The following UNC13C variants were observed in gnomAD, a reference collection of about 807,000 sequenced individuals.
UNC13C encodes protein unc-13 homolog C.
In UNC13C, 174 loss-of-function variants were observed where a neutral mutation model predicts 245.4. The observed-to-expected ratio is 0.71, with a 90% CI of 0.63 to 0.80. UNC13C has a LOEUF of 0.80. Among genes scored for constraint, UNC13C ranks in the 30% least tolerant of loss-of-function variants. UNC13C has a pLI of 0.00. For missense variants in UNC13C, 2,829 were observed against 2,602.9 expected, an observed-to-expected ratio of 1.09 and a Z score of -1.89; for synonymous variants, 992 against 895.1, an observed-to-expected ratio of 1.11 and a Z score of -1.93.
At chr15:54,087,568 C>T (rs998639399) in intron 2 of UNC13C, among the ~76,000 whole-genome samples, 3 of 152,124 alleles carry the variant, frequency 2.0e-5, no homozygotes, top group African/African-American at 7.2e-5. Context: ...CAAAGATTCC[C>T]TCATGTCCAC....
chr15:53,975,363 C>T (rs114519449), upstream of UNC13C, among the ~76,000 whole-genome samples: 1,535 of 152,178 alleles, frequency 0.01, 28 homozygotes, highest in African/African-American at 0.036. Flanking sequence ...TATTTTTCTC[C>T]GTAATTATCT....
chr15:54,387,732 G>C (rs769395595), intron 17 of UNC13C, among the ~76,000 whole-genome samples: 4 of 152,148 alleles, frequency 2.6e-5, no homozygotes, highest in Non-Finnish European at 5.9e-5. Flanking sequence ...GAGCTATCTA[G>C]TGAATGATTT....
chr15:54,223,228 C>A (rs2035279885), intron 4 of UNC13C, among the ~76,000 whole-genome samples: 1 of 152,060 alleles, frequency 6.6e-6, no homozygotes, highest in Non-Finnish European at 1.5e-5. Flanking sequence ...AGCTTCTGGT[C>A]TTAGATTTAA....
upstream of UNC13C, among the ~76,000 whole-genome samples, chr15:53,973,879 C>T (rs576232420): frequency 9.9e-5 from 15 of 152,220 alleles, no homozygotes; most frequent in African/African-American, 3.6e-4. Flanking sequence ...ATAATTTACT[C>T]CATTTAATTA....
chr15:54,476,336 G>T (rs928387642), intron 19 of UNC13C, among the ~76,000 whole-genome samples: 6 of 146,366 alleles, frequency 4.1e-5, no homozygotes, highest in Admixed American at 1.4e-4. Context: ...GTCAATTTTG[G>T]CTTTTGTTGC....
chr15:54,284,665 ATAATC>A (rs1185751175), intron 10 of UNC13C, among the ~76,000 whole-genome samples: 3 of 152,154 alleles, frequency 2.0e-5, no homozygotes, highest in African/African-American at 7.2e-5. Context: ...TCTTGAGAGA[ATAATC>A]TGATCTGCCT....
chr15:54,616,134 T>G (rs945650698), intron 30 of UNC13C, among the ~76,000 whole-genome samples: 1 of 152,064 alleles, frequency 6.6e-6, no homozygotes, highest in African/African-American at 2.4e-5. Flanking sequence ...TCTCATCAAT[T>G]TCTCAGCAAC....
At chr15:54,548,382 C>T (rs1192500875) in intron 27 of UNC13C, among the ~76,000 whole-genome samples, 2 of 151,600 alleles carry the variant, frequency 1.3e-5, no homozygotes, top group Non-Finnish European at 2.9e-5. Context: ...CCACCATGCC[C>T]GGCTAATTTT....
At chr15:54,240,860 G>A (rs1006608514) in intron 7 of UNC13C, among the ~76,000 whole-genome samples, 2 of 152,164 alleles carry the variant, frequency 1.3e-5, no homozygotes, top group Non-Finnish European at 2.9e-5. Context: ...TAATTTCTTA[G>A]GTGTGAATCT....
chr15:54,135,608 A>G (rs888092347), intron 2 of UNC13C, among the ~76,000 whole-genome samples: 2 of 152,088 alleles, frequency 1.3e-5, no homozygotes. Context: ...TTAGTTTGCC[A>G]TATGTCTGTG....
At chr15:53,838,050 T>C in the UNC13C span, among the ~76,000 whole-genome samples, 22 of 152,148 alleles carry the variant, frequency 1.4e-4, no homozygotes, top group African/African-American at 5.3e-4. Context: ...AATTTTGCTA[T>C]AAAAATATAA....
chr15:54,167,230 C>T (rs889745130), intron 4 of UNC13C, among the ~76,000 whole-genome samples: 1 of 151,928 alleles, frequency 6.6e-6, no homozygotes, highest in Admixed American at 6.6e-5. Context: ...GGGCCGGGTG[C>T]GATGGCTCAT....
rs575992097 is a variant in UNC13C, at chr15:54,548,402, T to G, written c.5821-1233T>G. 2.0e-5 allele frequency among the ~76,000 whole-genome samples: 3 copies of G among 152,042 alleles called. No individual in the cohort carries two copies. The South Asian group carries it at 6.3e-4, about 32-fold the overall frequency. ...ATGCCCGGCTAATTTTTTTGTATTT[T>G]TAGTAGAGACGGGGTTTCACCGTGT... is the stretch of plus-strand genomic sequence containing the variant. On this transcript the variant is annotated intron_variant, in intron 27 of 32. Transcript: ENST00000260323.
intron 4 of UNC13C, among the ~76,000 whole-genome samples, chr15:54,176,806 AT>A (rs1462721504): frequency 1.5e-4 from 23 of 152,188 alleles, no homozygotes; most frequent in African/African-American, 5.3e-4. Context: ...CTATGTAGTT[AT>A]AATTTCTGCC....
chr15:54,506,264 T>C (rs1326554582), intron 22 of UNC13C, among the ~76,000 whole-genome samples: 1 of 152,172 alleles, frequency 6.6e-6, no homozygotes, highest in Admixed American at 6.6e-5. Context: ...ATAATAATTC[T>C]TCAAGTTTAT....
chr15:53,999,118 G>A (rs1293337461), intron 1 of UNC13C, among the ~76,000 whole-genome samples: 1 of 151,944 alleles, frequency 6.6e-6, no homozygotes, highest in Non-Finnish European at 1.5e-5. Context: ...GCCAAATAAA[G>A]CAATTGGACA....
chr15:54,456,594 ATT>A (rs1891545535), intron 19 of UNC13C, among the ~76,000 whole-genome samples: 1 of 63,310 alleles, frequency 1.6e-5, no homozygotes, highest in Non-Finnish European at 3.5e-5. Flanking sequence ...TATGTATTTT[ATT>A]TATTTATTTA....
In UNC13C at chr15:54,483,288, T is replaced by C. The variant is rs144964408; in HGVS notation, c.4934-11320T>C. On this transcript the variant is annotated intron_variant, in intron 19 of 32. Coordinates refer to ENST00000260323, the MANE Select transcript of UNC13C (RefSeq NM_001080534.3). ...TGTCTGTCAACATAGGCCAGCCAGG[T>C]CACCTGCATTATATTCATCTGAATG... 1.5e-4 allele frequency among the ~76,000 whole-genome samples: 23 copies of C among 152,280 alleles called. No homozygotes were observed. In the East Asian group the frequency reaches 4.2e-3, roughly 28 times the overall value.
intron 1 of UNC13C, among the ~76,000 whole-genome samples, chr15:53,993,514 A>G (rs1337245986): frequency 6.6e-6 from 1 of 152,070 alleles, no homozygotes; most frequent in African/African-American, 2.4e-5. Context: ...GTGCCACATC[A>G]TGTCTTTCCA....
Sources: gnomAD v4.1 joint callset for allele counts (sites outside exome capture counted in the v4.1 genomes callset) on GRCh38, gnomAD v4.1.1 for gene constraint, MANE v1.5 for transcripts, NCBI Gene and HGNC (gene_info 2026-07-23, HGNC 2026-07-21) for gene names.